CSMD1: variants seen among roughly 807,000 people sequenced by gnomAD.
CSMD1 encodes CUB and Sushi multiple domains 1.
A neutral mutation model predicts 417.5 loss-of-function variants in CSMD1; 213 were observed. That is an observed-to-expected ratio of 0.51 (90% CI 0.46 to 0.57). The LOEUF is 0.57. Among genes scored for constraint, CSMD1 ranks in the 20% least tolerant of loss-of-function variants. The pLI, the probability that CSMD1 is intolerant of heterozygous loss-of-function variation, is 0.00. For synonymous variants in CSMD1, 2,862 were observed against 1,736.8 expected (o/e 1.65, Z -16.11); for missense variants, 6,923 against 4,529.7 (o/e 1.53, Z -15.17).
chr8:3,142,817 A>T, intron 40 of CSMD1, 143 bp from the exon 41 acceptor site: 1 of 740,334 alleles, frequency 1.4e-6, no homozygotes, highest in South Asian at 1.7e-5. Flanking sequence ...GACGGCATTC[A>T]CTGTGGATGA....
intron 12 of CSMD1, among the ~76,000 whole-genome samples, chr8:3,417,512 C>G (rs997637880): frequency 9.2e-5 from 14 of 152,142 alleles, no homozygotes; most frequent in African/African-American, 3.4e-4. Context: ...CATCTGTATT[C>G]TGAACTTAAG....
chr8:4,309,302 T>C (rs140859282), intron 3 of CSMD1, among the ~76,000 whole-genome samples: 240 of 152,244 alleles, frequency 1.6e-3, no homozygotes, highest in African/African-American at 5.4e-3. Flanking sequence ...AATTGCACTG[T>C]CTATTTAGCA....
At chr8:3,563,419 A>AGAAT (rs1799558152) in intron 10 of CSMD1, among the ~76,000 whole-genome samples, 1 of 138,824 alleles carries the variant, frequency 7.2e-6, no homozygotes, top group African/African-American at 2.8e-5. Context: ...TCAAATGCAT[A>AGAAT]AAATAGGTAA....
At chr8:3,811,833 T>C (rs1043820461) in intron 5 of CSMD1, among the ~76,000 whole-genome samples, 11 of 152,190 alleles carry the variant, frequency 7.2e-5, no homozygotes, top group African/African-American at 2.7e-4. Flanking sequence ...GGTGTTCATC[T>C]CCATTAGCCA....
intron 1 of CSMD1, among the ~76,000 whole-genome samples, chr8:4,761,955 C>T (rs1292663998): frequency 6.7e-6 from 1 of 148,384 alleles, no homozygotes; most frequent in Non-Finnish European, 1.5e-5. Context: ...ATCTATCTAT[C>T]TATCTATCTA....
At chr8:4,303,171 C>T (rs769826315) in intron 3 of CSMD1, among the ~76,000 whole-genome samples, 29 of 152,072 alleles carry the variant, frequency 1.9e-4, no homozygotes, top group Non-Finnish European at 3.7e-4. Context: ...TATAATAGGG[C>T]ATGAATATTG....
chr8:3,702,742 G>A (rs1187205456), intron 7 of CSMD1, among the ~76,000 whole-genome samples: 2 of 152,216 alleles, frequency 1.3e-5, no homozygotes, highest in African/African-American at 2.4e-5. Flanking sequence ...TGAGGCAGGA[G>A]AATCGCTGGA....
intron 3 of CSMD1, among the ~76,000 whole-genome samples, chr8:4,341,771 T>G (rs1333444234): frequency 6.6e-6 from 1 of 152,132 alleles, no homozygotes; most frequent in African/African-American, 2.4e-5. Context: ...TGGTCAATAA[T>G]ATTGTGCAGA....
intron 12 of CSMD1, among the ~76,000 whole-genome samples, chr8:3,417,952 G>A (rs1010577110): frequency 1.3e-5 from 2 of 152,274 alleles, no homozygotes; most frequent in South Asian, 4.2e-4. Context: ...AGCCTCCCAT[G>A]ACTCTCTCCT....
intron 3 of CSMD1, among the ~76,000 whole-genome samples, chr8:4,135,509 T>C (rs1803376028): frequency 6.6e-6 from 1 of 152,086 alleles, no homozygotes; most frequent in South Asian, 2.1e-4. Context: ...ACCAAAGCTT[T>C]AGGAAAGCCT....
In CSMD1 at chr8:4,573,159, T is replaced by G. The variant is rs190373401; in HGVS notation, c.302+64183A>C. Among the ~76,000 whole-genome samples, 478 of 152,288 alleles carry G rather than the reference T, an allele frequency of 3.1e-3. 4 individuals carry two copies. Among genetic ancestry groups the G allele is most frequent in the Non-Finnish European group, 5.3e-3 (359 of 68,016 alleles). The stretch of plus-strand genomic sequence containing the variant: ...CATTCCCTGTCCCGTTGTGTTCCCT[T>G]GCTGGCAAGGAGTTGTGATCCTTTG... On this transcript the variant is annotated intron_variant, in intron 2 of 69. Transcript: ENST00000635120.
intron 3 of CSMD1, among the ~76,000 whole-genome samples, chr8:4,410,885 G>C (rs772279346): frequency 6.6e-6 from 1 of 152,186 alleles, no homozygotes; most frequent in African/African-American, 2.4e-5. Flanking sequence ...GGAGGGCTTA[G>C]AGGTTATAAG....
chr8:3,688,891 TCAGA>T (rs561960390), intron 7 of CSMD1, among the ~76,000 whole-genome samples: 78 of 152,202 alleles, frequency 5.1e-4, no homozygotes, highest in Admixed American at 7.9e-4. Flanking sequence ...CACTTAGATC[TCAGA>T]CAAAGGAGCA....
chr8:3,656,029 T>A (rs1798084292), intron 7 of CSMD1, among the ~76,000 whole-genome samples: 2 of 152,086 alleles, frequency 1.3e-5, no homozygotes, highest in Admixed American at 6.5e-5. Context: ...AAGATGGACA[T>A]CTCTCTGGGG....
chr8:4,684,889 C>T (rs1322293571), intron 1 of CSMD1, among the ~76,000 whole-genome samples: 2 of 152,154 alleles, frequency 1.3e-5, no homozygotes, highest in Non-Finnish European at 2.9e-5. Flanking sequence ...TAATCAATCA[C>T]TTACTCAACA....
At chr8:4,429,571 T>G (rs1379782357) in intron 2 of CSMD1, among the ~76,000 whole-genome samples, 1 of 152,108 alleles carries the variant, frequency 6.6e-6, no homozygotes, top group South Asian at 2.1e-4. Flanking sequence ...AAGGATTTGG[T>G]CCATACTGAT....
intron 3 of CSMD1, among the ~76,000 whole-genome samples, chr8:4,058,329 T>C (rs1798802992): frequency 6.6e-6 from 1 of 152,276 alleles, no homozygotes; most frequent in Admixed American, 6.5e-5. Flanking sequence ...GATTTGGCTC[T>C]CTGTTTGCCT....
chr8:3,083,632 ATATATATATATATATATTTTTTTTTTT>A (rs1814283331), intron 49 of CSMD1, among the ~76,000 whole-genome samples: 2 of 28,032 alleles, frequency 7.1e-5, no homozygotes, highest in Admixed American at 6.3e-4. Context: ...ATATATATAT[ATATATATATATATATATTTTTTTTTTT>A]TTTTTTTTTT....
chr8:4,201,236 G>A (rs1042423820), intron 3 of CSMD1, among the ~76,000 whole-genome samples: 1 of 152,154 alleles, frequency 6.6e-6, no homozygotes, highest in Non-Finnish European at 1.5e-5. Flanking sequence ...GGTGAGTATG[G>A]TTGTAAGTAA....
Sources: gnomAD v4.1 joint callset for allele counts (sites outside exome capture counted in the v4.1 genomes callset) on GRCh38, gnomAD v4.1.1 for gene constraint, MANE v1.5 for transcripts, NCBI Gene and HGNC (gene_info 2026-07-23, HGNC 2026-07-21) for gene names.